The following MAST4 variants were observed in gnomAD, a reference collection of about 807,000 sequenced individuals.
The protein encoded by MAST4 is microtubule associated serine/threonine kinase family member 4.
A neutral mutation model predicts 162.7 loss-of-function variants in MAST4; 89 were observed. The observed-to-expected ratio is 0.55, with a 90% CI of 0.46 to 0.65. The LOEUF (loss-of-function observed/expected upper bound fraction) is 0.65. Ranked by LOEUF, MAST4 falls within the 30% of genes least tolerant of loss-of-function variation. The pLI is 0.00. For missense variants in MAST4, 3,153 were observed against 3,374.0 expected, an observed-to-expected ratio of 0.93 and a Z score of 1.62; for synonymous variants, 1,479 against 1,361.1, an observed-to-expected ratio of 1.09 and a Z score of -1.91.
chr5:67,022,995 CAT>C (rs1427028228), intron 4 of MAST4, among the ~76,000 whole-genome samples: 2 of 152,000 alleles, frequency 1.3e-5, no homozygotes, highest in Non-Finnish European at 2.9e-5. Context: ...TTGATGAACA[CAT>C]AGAATCACCC....
chr5:66,865,997 C>A (rs935137216), intron 3 of MAST4, among the ~76,000 whole-genome samples: 9 of 151,274 alleles, frequency 5.9e-5, no homozygotes, highest in South Asian at 2.1e-4. Context: ...ATCGCTTGAA[C>A]CCTGGGGGTG....
intron 2 of MAST4, among the ~76,000 whole-genome samples, chr5:66,769,663 C>T (rs970934287): frequency 3.9e-5 from 6 of 152,136 alleles, no homozygotes; most frequent in African/African-American, 1.4e-4. Context: ...ACATACCTAA[C>T]GTAGAAAAGG....
chr5:66,842,810 C>T (rs997391000), intron 3 of MAST4, among the ~76,000 whole-genome samples: 2 of 152,140 alleles, frequency 1.3e-5, no homozygotes, highest in Non-Finnish European at 2.9e-5. Flanking sequence ...AGAATTCACA[C>T]ATTCAGTTCT....
chr5:66,878,536 A>G (rs1761458324), intron 3 of MAST4, among the ~76,000 whole-genome samples: 1 of 152,248 alleles, frequency 6.6e-6, no homozygotes, highest in African/African-American at 2.4e-5. Flanking sequence ...GTACTTTGCC[A>G]TCATAGCCTA....
chr5:66,648,203 A>G (rs1435124314), intron 1 of MAST4, among the ~76,000 whole-genome samples: 2 of 152,032 alleles, frequency 1.3e-5, no homozygotes, highest in Non-Finnish European at 2.9e-5. Flanking sequence ...GCTTTTTGCT[A>G]TAGATACCAG....
At chr5:67,069,287 GATATATATATAT>G (rs6149054) in intron 5 of MAST4, among the ~76,000 whole-genome samples, 7 of 107,648 alleles carry the variant, frequency 6.5e-5, no homozygotes, top group Non-Finnish European at 1.1e-4. Context: ...GAGGAGATTG[GATATATATATAT>G]ATATATATAT....
intron 4 of MAST4, among the ~76,000 whole-genome samples, chr5:66,919,362 AAAG>A (rs1235968538): frequency 1.3e-5 from 2 of 151,778 alleles, no homozygotes; most frequent in African/African-American, 4.8e-5. Context: ...ATCTCATTCT[AAAG>A]AAGGTAATAA....
chr5:67,075,462 C>T (rs1423929038), intron 5 of MAST4, among the ~76,000 whole-genome samples: 2 of 117,910 alleles, frequency 1.7e-5, no homozygotes, highest in Non-Finnish European at 3.5e-5. Flanking sequence ...AGGCATGAGC[C>T]ACCACACCTG....
At chr5:66,787,964 A>G (rs1755192253) in intron 2 of MAST4, among the ~76,000 whole-genome samples, 2 of 152,180 alleles carry the variant, frequency 1.3e-5, no homozygotes, top group Non-Finnish European at 2.9e-5. Context: ...TTGTGTGTTA[A>G]TATTAGTCAA....
intron 6 of MAST4, among the ~76,000 whole-genome samples, chr5:67,090,762 A>C (rs1291101437): frequency 6.6e-6 from 1 of 151,822 alleles, no homozygotes; most frequent in Non-Finnish European, 1.5e-5. Flanking sequence ...TGTTCAGAGG[A>C]TAGCAGGCAC....
chr5:66,669,283 C>G (rs903000626), intron 1 of MAST4, among the ~76,000 whole-genome samples: 1 of 152,144 alleles, frequency 6.6e-6, no homozygotes, highest in Admixed American at 6.5e-5. Context: ...CGAAATGTGC[C>G]ATAGCTTCTA....
At chr5:67,100,331 A>G (rs1764894860) in intron 7 of MAST4, 104 bp from the exon 8 acceptor site, 2 of 1,089,596 alleles carry the variant, frequency 1.8e-6, no homozygotes, top group Non-Finnish European at 2.6e-6. Context: ...AAAAGAAACA[A>G]TAAAAATGGT....
Position 66,793,007 on chromosome 5 carries a change from G to A in MAST4, c.642+4213G>A, listed in dbSNP as rs373865329. On this transcript the variant is annotated intron_variant, in intron 3 of 28. Coordinates refer to ENST00000403625, the MANE Select transcript of MAST4 (RefSeq NM_001164664.2). Reference sequence around the variant, plus strand: ...AAAGTATAGGCCCTCAACGTGAGAGGTATTAATATGTTAGTAAGATATAAA... The same window carrying A: ...AAAGTATAGGCCCTCAACGTGAGAGATATTAATATGTTAGTAAGATATAAA... Among the ~76,000 whole-genome samples the A allele has an allele frequency of 5.9e-5, 9 of 152,274 alleles. No homozygotes were observed. The East Asian group carries it at 9.7e-4, about 16-fold the overall frequency.
chr5:66,619,821 C>G (rs565909790), intron 1 of MAST4, among the ~76,000 whole-genome samples: 3 of 151,774 alleles, frequency 2.0e-5, no homozygotes. Flanking sequence ...ATATCAAGGT[C>G]ACCTTTTTTG....
intron 3 of MAST4, among the ~76,000 whole-genome samples, chr5:66,832,029 C>G (rs1270979087): frequency 6.6e-6 from 1 of 151,950 alleles, no homozygotes; most frequent in Non-Finnish European, 1.5e-5. Context: ...TGAAAGTATC[C>G]CTATCCCTAA....
chr5:66,927,902 C>T (rs957119082), intron 4 of MAST4, among the ~76,000 whole-genome samples: 6 of 152,182 alleles, frequency 3.9e-5, no homozygotes, highest in Non-Finnish European at 5.9e-5. Context: ...CTTCTAGCTT[C>T]TGGTGGTTTG....
intron 5 of MAST4, among the ~76,000 whole-genome samples, chr5:67,064,497 G>A (rs1437756122): frequency 2.0e-5 from 3 of 152,134 alleles, no homozygotes; most frequent in Non-Finnish European, 4.4e-5. Context: ...CCCAAAAGAG[G>A]GAGTCTTCCT....
intron 3 of MAST4, among the ~76,000 whole-genome samples, chr5:66,800,681 C>A (rs1755875033): frequency 6.6e-6 from 1 of 151,958 alleles, no homozygotes; most frequent in African/African-American, 2.4e-5. Context: ...GCATTTGTAC[C>A]CCTGAACTTA....
intron 1 of MAST4, among the ~76,000 whole-genome samples, chr5:66,707,876 T>C (rs909020389): frequency 2.6e-5 from 4 of 151,942 alleles, no homozygotes; most frequent in African/African-American, 9.7e-5. Flanking sequence ...GGAACCCAGG[T>C]TGATTTCTTT....
Sources: gnomAD v4.1 joint callset for allele counts (sites outside exome capture counted in the v4.1 genomes callset) on GRCh38, gnomAD v4.1.1 for gene constraint, MANE v1.5 for transcripts, NCBI Gene and HGNC (gene_info 2026-07-23, HGNC 2026-07-21) for gene names.